Variants in SLC16A7 observed in about 807,000 individuals in gnomAD.
SLC16A7 encodes solute carrier family 16 member 7, also known as monocarboxylate transporter 2.
In SLC16A7, 33 loss-of-function variants were observed where a neutral mutation model predicts 34.9. The ratio of observed to expected loss-of-function variants is 0.94; its 90% CI spans 0.72 to 1.26. SLC16A7 has a LOEUF of 1.26. SLC16A7 is among the 50% of genes most tolerant of loss of function. SLC16A7 has a pLI of 0.00. For synonymous variants in SLC16A7, 201 were observed against 206.6 expected, an observed-to-expected ratio of 0.97 and a Z score of 0.23; for missense variants, 573 against 578.1, an observed-to-expected ratio of 0.99 and a Z score of 0.09.
At chr12:59,616,927 TTAAGA>T (rs1879479599) in intron 1 of SLC16A7, among the ~76,000 whole-genome samples, 1 of 152,184 alleles carries the variant, frequency 6.6e-6, no homozygotes, top group Non-Finnish European at 1.5e-5. Flanking sequence ...GAGAATTTAC[TTAAGA>T]TAAGTGAGGT....
At chr12:59,612,017 A>G (rs958459871) in intron 1 of SLC16A7, among the ~76,000 whole-genome samples, 1 of 152,168 alleles carries the variant, frequency 6.6e-6, no homozygotes, top group African/African-American at 2.4e-5. Context: ...CAGTGGATCT[A>G]CAATTCTAGG....
Position 59,658,619 on chromosome 12 carries a change from C to T in SLC16A7, c.-31+3369C>T, listed in dbSNP as rs112799351. On this transcript the variant is annotated intron_variant, in intron 2 of 5. Transcript: ENST00000547379. ...CTACCTTGAAACTGCATCAAGAAAT[C>T]AGTATAGAGGGAAGCTGAGCATGCC... 1.7e-3 allele frequency among the ~76,000 whole-genome samples: 252 copies of T among 152,048 alleles called. 6 individuals are homozygous for T. Among genetic ancestry groups the T allele is most frequent in the South Asian group, 0.015 (70 of 4,824 alleles).
At chr12:59,678,755 C>T (rs900504175) in intron 2 of SLC16A7, among the ~76,000 whole-genome samples, 8 of 152,112 alleles carry the variant, frequency 5.3e-5, no homozygotes, top group Non-Finnish European at 8.8e-5. Flanking sequence ...TGGGGTTTCA[C>T]CTGGAACCCA....
rs7307407 is a variant in SLC16A7 at position 59,784,453 on chromosome 12, G to A, written c.*4774G>A. On this transcript the variant is annotated 3_prime_UTR_variant, in exon 6 of 6. Transcript: ENST00000547379. ...GATTATTCCATTTATAATATTATCC[G>A]TAGCTACCAAAAAAAAGATTATAAG... is the stretch of plus-strand genomic sequence containing the variant. The A allele has an allele frequency of 2.6e-5, 4 of 151,620 alleles. No individual in the cohort carries two copies. The highest frequency in any genetic ancestry group is 7.3e-5 in the African/African-American group (3 of 41,240). The allele number at this position is 151,620 out of a possible 1,614,324, so 9.4% of individuals were successfully genotyped here. A position where few individuals can be genotyped will look rare whatever the true frequency, so the allele number is the denominator to read the frequency against.
intron 2 of SLC16A7, among the ~76,000 whole-genome samples, chr12:59,704,218 AGAAAAAG>A (rs1873260438): frequency 1.4e-5 from 2 of 139,538 alleles, no homozygotes; most frequent in Non-Finnish European, 1.5e-5. Flanking sequence ...AAAAAAAAAA[AGAAAAAG>A]AAAAAAAAAA....
At chr12:59,623,277 C>T (rs1879781396) in intron 1 of SLC16A7, among the ~76,000 whole-genome samples, 1 of 151,476 alleles carries the variant, frequency 6.6e-6, no homozygotes, top group African/African-American at 2.4e-5. Flanking sequence ...TCATTCTTGG[C>T]CATTTGATCT....
chr12:59,640,153 G>C (rs989176413), intron 1 of SLC16A7, among the ~76,000 whole-genome samples: 2 of 152,048 alleles, frequency 1.3e-5, no homozygotes, highest in Non-Finnish European at 1.5e-5. Flanking sequence ...CCAGTACTTG[G>C]AGCAGCATTA....
At chr12:59,672,643 T>C (rs1170920681) in intron 2 of SLC16A7, among the ~76,000 whole-genome samples, 1 of 152,150 alleles carries the variant, frequency 6.6e-6, no homozygotes, top group African/African-American at 2.4e-5. Context: ...TGTTTTTTGC[T>C]TTTCAGATGT....
intron 2 of SLC16A7, among the ~76,000 whole-genome samples, chr12:59,691,075 C>T (rs1871592136): frequency 1.3e-5 from 2 of 151,760 alleles, no homozygotes; most frequent in Admixed American, 6.6e-5. Context: ...TTAATAGAAA[C>T]ATAAGATTTA....
rs181798610 is a variant in SLC16A7 at position 59,667,757 on chromosome 12, G to A, written c.-31+12507G>A. The stretch of plus-strand genomic sequence containing the variant: ...TAATCACCAAGACAATGAAGAAAAC[G>A]TCTCCAGGGTATATCAGAGGCCTTC... On this transcript the variant is annotated intron_variant, in intron 2 of 5. Transcript: ENST00000547379. Among the ~76,000 whole-genome samples, 19 of 152,300 alleles carry A rather than the reference G, an allele frequency of 1.2e-4. No individual in the cohort carries two copies. In the East Asian group the frequency reaches 3.5e-3, roughly 28 times the overall value.
intron 3 of SLC16A7, among the ~76,000 whole-genome samples, chr12:59,708,677 T>G: frequency 6.6e-6 from 1 of 152,056 alleles, no homozygotes; most frequent in East Asian, 1.9e-4. Flanking sequence ...TAATCACTAC[T>G]GTGGGGTCAC....
At chr12:59,747,666 A>G (rs567190519) in intron 3 of SLC16A7, among the ~76,000 whole-genome samples, 31 of 152,314 alleles carry the variant, frequency 2.0e-4, no homozygotes, top group South Asian at 4.1e-4. Context: ...GGTTGAATCC[A>G]TTTGCAGACT....
intron 3 of SLC16A7, among the ~76,000 whole-genome samples, chr12:59,743,431 T>C (rs1012874086): frequency 6.6e-6 from 1 of 152,244 alleles, no homozygotes; most frequent in Non-Finnish European, 1.5e-5. Context: ...TTACATGACA[T>C]GCTTTGCATT....
chr12:59,689,707 C>T (rs1000708), intron 2 of SLC16A7, among the ~76,000 whole-genome samples: 87,213 of 151,714 alleles, frequency 0.57, 25,888 homozygotes, highest in African/African-American at 0.74. Flanking sequence ...ACTCCTCTTC[C>T]GTAGTGCCAG....
At chr12:59,610,739 C>A (rs976369941) in intron 1 of SLC16A7, among the ~76,000 whole-genome samples, 1 of 152,148 alleles carries the variant, frequency 6.6e-6, no homozygotes, top group Non-Finnish European at 1.5e-5. Context: ...TAATGATGTT[C>A]CAGCATACAT....
At chr12:59,672,258 A>G (rs1869933816) in intron 2 of SLC16A7, among the ~76,000 whole-genome samples, 1 of 146,922 alleles carries the variant, frequency 6.8e-6, no homozygotes, top group Admixed American at 6.9e-5. Context: ...ATGTGTATAT[A>G]TGCATATATA....
chr12:59,631,425 T>C (rs1031537682), intron 1 of SLC16A7, among the ~76,000 whole-genome samples: 2 of 151,974 alleles, frequency 1.3e-5, no homozygotes, highest in Non-Finnish European at 1.5e-5. Flanking sequence ...TGCACTATTA[T>C]GTTTATATAG....
At chr12:59,653,999 T>G (rs1317645544) in intron 1 of SLC16A7, among the ~76,000 whole-genome samples, 1 of 151,632 alleles carries the variant, frequency 6.6e-6, no homozygotes, top group Non-Finnish European at 1.5e-5. Context: ...TTTGTATACT[T>G]AAACTTATTT....
intron 3 of SLC16A7, among the ~76,000 whole-genome samples, chr12:59,749,941 A>G (rs1297428763): frequency 6.6e-6 from 1 of 152,118 alleles, no homozygotes; most frequent in Non-Finnish European, 1.5e-5. Context: ...GGAAGAACAC[A>G]TAGAAGAAGC....
Sources: gnomAD v4.1 joint callset for allele counts (sites outside exome capture counted in the v4.1 genomes callset) on GRCh38, gnomAD v4.1.1 for gene constraint, MANE v1.5 for transcripts, NCBI Gene and HGNC (gene_info 2026-07-23, HGNC 2026-07-21) for gene names.